NANOS3: variants seen among roughly 807,000 people sequenced by gnomAD.
The protein encoded by NANOS3 is nanos C2HC-type zinc finger 3, also known as nanos homolog 3.
NANOS3 carries 11 observed loss-of-function variants against 13.8 expected under a neutral mutation model. That is an observed-to-expected ratio of 0.80 (90% CI 0.50 to 1.32). NANOS3 has a LOEUF of 1.32. Ranked by LOEUF, NANOS3 falls within the 40% of genes most tolerant of loss-of-function variation. The probability of loss-of-function intolerance (pLI) is 0.00; values close to 1 mark genes in which losing one functional copy is unlikely to be tolerated. For synonymous variants in NANOS3, 119 were observed against 115.4 expected (o/e 1.03, Z -0.20); for missense variants, 221 against 263.8 (o/e 0.84, Z 1.12).
rs200263681 is a variant in NANOS3 at position 13,877,441 on chromosome 19, C to T, written c.193C>T (p.Arg65Cys). ...AGTGCCGGGACCCAAGGATCAGAAG[C>T]GCAGCCTGGAGTCCTCGCCAGCTCC... is the stretch of plus-strand genomic sequence containing the variant. Reference protein sequence around the residue: ...VPVPGPKDQKRSLESSPAPER... With the variant: ...VPVPGPKDQKCSLESSPAPER... The change falls in exon 1 of 2, where the codon CGC becomes TGC. Residue 65 changes from arginine to cysteine, a missense_variant. Physicochemically the swap from Arg to Cys is radical, Grantham distance 180. Around this residue, in one of 3 missense-constraint regions of NANOS3, gnomAD observed 112 missense variants for 116.3 expected, o/e 0.96. Transcript: ENST00000339133. The T allele has an allele frequency of 5.9e-5, 95 of 1,612,054 alleles. No individual in the cohort carries two copies. In the Admixed American group the frequency reaches 9.8e-4, roughly 17 times the overall value.
intron 1 of NANOS3, among the ~76,000 whole-genome samples, chr19:13,867,270 G>T (rs1027559148): frequency 6.6e-6 from 1 of 151,772 alleles, no homozygotes; most frequent in Non-Finnish European, 1.5e-5. Flanking sequence ...TTTGAGACAG[G>T]GTCTCACTCT....
At position 13,877,219 on chromosome 19, in the gene NANOS3, C is replaced by A; in HGVS notation, c.-30C>A. 1.3e-6 allele frequency: 2 copies of A among 1,571,444 alleles called. No individual in the cohort carries two copies. Among genetic ancestry groups the A allele is most frequent in the Non-Finnish European group, 8.7e-7 (1 of 1,151,944 alleles). On this transcript the variant is annotated 5_prime_UTR_variant, in exon 1 of 2. Coordinates refer to ENST00000339133, the MANE Select transcript of NANOS3 (RefSeq NM_001098622.3). Reference sequence around the variant, plus strand: ...CAGGCAGGGTTACTTGTCTCTGTGACTCCTTCCGCCTGGCACATGCTGCCC... The same window carrying A: ...CAGGCAGGGTTACTTGTCTCTGTGAATCCTTCCGCCTGGCACATGCTGCCC...
chr19:13,865,220 C>T (rs942768675), upstream of NANOS3, among the ~76,000 whole-genome samples: 4 of 148,280 alleles, frequency 2.7e-5, no homozygotes, highest in East Asian at 4.0e-4. Context: ...GGCACGTCAC[C>T]GAGACAGACA....
At chr19:13,863,023 G>A (rs2145059311), upstream of NANOS3, among the ~76,000 whole-genome samples, 1 of 152,368 alleles carries the variant, frequency 6.6e-6, no homozygotes, top group Admixed American at 6.5e-5. Flanking sequence ...ACTCTACCCT[G>A]GGCCCACCCT....
At chr19:13,880,355 A>T (rs1968608417) in intron 1 of NANOS3, 87 bp from the exon 2 acceptor site, 1 of 1,255,462 alleles carries the variant, frequency 8.0e-7, no homozygotes, top group East Asian at 2.4e-5. Context: ...GAGGTCCAGC[A>T]GGCCCGGAGG....
At position 13,869,766 on chromosome 19, in the gene NANOS3, A is replaced by G. The variant is rs567514704; in HGVS notation, n.21+4329A>G. On this transcript the variant is annotated intron_variant and non_coding_transcript_variant, in intron 1 of 2. Transcript: ENST00000591161. ...TCCAGGCCCAAGTACACACACACAC[A>G]CACGCACGCACACACACACACACAC... Among the ~76,000 whole-genome samples the G allele has an allele frequency of 1.7e-4, 25 of 147,822 alleles. No homozygotes were observed. The Middle Eastern group carries it at 0.014, about 82-fold the overall frequency.
At chr19:13,865,639 C>T (rs1976224905) in intron 1 of NANOS3, among the ~76,000 whole-genome samples, 1 of 148,964 alleles carries the variant, frequency 6.7e-6, no homozygotes, top group Non-Finnish European at 1.5e-5. Flanking sequence ...GCCCCGGCGG[C>T]ATCTCTGCGT....
At position 13,877,740 on chromosome 19, in the gene NANOS3, C is replaced by T. The variant is rs1968546643; in HGVS notation, c.492C>T (p.His164=). ...PDKAKTQDTG[H]RRGGGGGAGF... ...AGGCGAAGACACAGGACACAGGCCA[C>T]CGCCGAGGAGGAGGAGGAGGAGCAG... Residue 164 remains histidine, a synonymous_variant, in exon 1 of 2, where the codon CAC becomes CAT. Transcript: ENST00000339133. The T allele has an allele frequency of 4.4e-6, 7 of 1,582,690 alleles. No homozygotes were observed. Among genetic ancestry groups the T allele is most frequent in the Non-Finnish European group, 6.0e-6 (7 of 1,167,032 alleles).
chr19:13,866,188 G>T (rs1449616321), intron 1 of NANOS3, among the ~76,000 whole-genome samples: 1 of 152,148 alleles, frequency 6.6e-6, no homozygotes, highest in African/African-American at 2.4e-5. Flanking sequence ...AGGGAAAATG[G>T]CCCCGAATCC....
upstream of NANOS3, chr19:13,874,580 C>G (rs1185378033): frequency 2.6e-6 from 1 of 389,322 alleles, no homozygotes; most frequent in African/African-American, 2.1e-5. Context: ...TAGGTGCAAA[C>G]AGCACCTGAA....
chr19:13,877,374 G>GGTGTCAGCGCCGGAGCCA lies in NANOS3; in HGVS notation c.134_135insGCCGGAGCCAGTGTCAGC (p.Ala45_Leu46insProGluProValSerAla). 6.2e-7 allele frequency: 1 copy of GGTGTCAGCGCCGGAGCCA among 1,612,450 alleles called. No homozygotes were observed. Reference sequence around the variant, plus strand: ...CAGAGCCAGAGCCAATGCTGGAGCCGGTGTCAGCCCTGGAGCCGATGCCAG... The same window carrying GGTGTCAGCGCCGGAGCCA: ...CAGAGCCAGAGCCAATGCTGGAGCCGGTGTCAGCGCCGGAGCCAGTGTCAGCCCTGGAGCCGATGCCAG... On this transcript the variant is annotated inframe_insertion, in exon 1 of 2. Coordinates refer to ENST00000339133, the MANE Select transcript of NANOS3 (RefSeq NM_001098622.3).
At chr19:13,877,059 G>T (rs1968527231), upstream of NANOS3, among the ~76,000 whole-genome samples, 1 of 152,066 alleles carries the variant, frequency 6.6e-6, no homozygotes, top group South Asian at 2.1e-4. Context: ...TGACAATAAG[G>T]AACCTCCCAC....
chr19:13,877,783 T>C lies in NANOS3; in HGVS notation c.517+18T>C, dbSNP rs1486804725. 1 of 1,538,720 alleles carries C rather than the reference T, an allele frequency of 6.5e-7. No individual in the cohort carries two copies. The highest frequency in any genetic ancestry group is 8.7e-7 in the Non-Finnish European group (1 of 1,145,736). On this transcript the variant is annotated intron_variant, in intron 1 of 1. Transcript: ENST00000339133. ...AGGAGCAGGTGCCTGCACAGGTGGC[T>C]GGGGGGGACCTGTCCGAGGGTAGTG... is the stretch of plus-strand genomic sequence containing the variant.
upstream of NANOS3, among the ~76,000 whole-genome samples, chr19:13,862,772 C>T (rs1303924287): frequency 6.6e-6 from 1 of 152,050 alleles, no homozygotes; most frequent in East Asian, 1.9e-4. Flanking sequence ...CTCCTGACCT[C>T]GTGATCCGCC....
At chr19:13,866,900 C>T (rs979949436) in intron 1 of NANOS3, among the ~76,000 whole-genome samples, 1 of 152,160 alleles carries the variant, frequency 6.6e-6, no homozygotes, top group Non-Finnish European at 1.5e-5. Context: ...CACACACACA[C>T]AGACGGTACA....
At chr19:13,873,012 G>A (rs1201300120), upstream of NANOS3, among the ~76,000 whole-genome samples, 1 of 151,874 alleles carries the variant, frequency 6.6e-6, no homozygotes, top group Non-Finnish European at 1.5e-5. Context: ...ACCTTAGTGG[G>A]GGGTTGGGCT....
upstream of NANOS3, among the ~76,000 whole-genome samples, chr19:13,875,188 CTT>C (rs376046818): frequency 3.6e-4 from 51 of 141,748 alleles, no homozygotes; most frequent in Admixed American, 3.5e-4. Flanking sequence ...CTAAAATCCC[CTT>C]TTTTTTTTTT....
rs373238193 is a variant in NANOS3 at position 13,880,533 on chromosome 19, C to G, written c.*30C>G. On this transcript the variant is annotated 3_prime_UTR_variant, in exon 2 of 2. Transcript: ENST00000339133. ...CTGCCTACACCTGGGCAAGGGCACC[C>G]GGGCTCGGCTGGATTTCCAGGAAGA... 2.5e-3 allele frequency: 3,983 copies of G among 1,606,266 alleles called. 20 individuals are homozygous for G. Among genetic ancestry groups the G allele is most frequent in the Non-Finnish European group, 2.2e-3 (2,623 of 1,173,768 alleles).
chr19:13,868,800 C>T (rs527833543), intron 1 of NANOS3, among the ~76,000 whole-genome samples: 2 of 152,126 alleles, frequency 1.3e-5, no homozygotes, highest in Admixed American at 6.6e-5. Context: ...ATAGTGACAC[C>T]AGCAGACACC....
Sources: allele counts gnomAD v4.1 joint callset (sites outside exome capture counted in the v4.1 genomes callset), GRCh38; gene constraint gnomAD v4.1.1; regional missense constraint gnomAD v4.1.1; transcripts MANE v1.5; gene names NCBI Gene and HGNC (gene_info 2026-07-23, HGNC 2026-07-21).